NGLY1: variants seen among roughly 807,000 people sequenced by gnomAD.
NGLY1 encodes the protein peptide-N(4)-(N-acetyl-beta-glucosaminyl)asparagine amidase.
A neutral mutation model predicts 84.6 loss-of-function variants in NGLY1; 68 were observed. That is an observed-to-expected ratio of 0.80 (90% CI 0.66 to 0.98). The LOEUF (loss-of-function observed/expected upper bound fraction) is 0.98, where lower values mean the gene tolerates loss of function less well. NGLY1 is among the 50% of genes least tolerant of loss of function. NGLY1 has a pLI of 0.00. For synonymous variants in NGLY1, 280 were observed against 275.2 expected, an observed-to-expected ratio of 1.02 and a Z score of -0.17; for missense variants, 779 against 770.2, an observed-to-expected ratio of 1.01 and a Z score of -0.14.
Position 25,739,769 on chromosome 3 carries a change from A to C in NGLY1, c.689T>G (p.Leu230Trp). 1 of 1,614,060 alleles carries C rather than the reference A, an allele frequency of 6.2e-7. No homozygotes were observed. Among genetic ancestry groups the C allele is most frequent in the Non-Finnish European group, 8.5e-7 (1 of 1,179,990 alleles). ...CTTAAACCAGTGCAAAAGCTCCAGCAAAAGAAAATCCTCATCACTTATATT... is the reference window on the plus strand; with the variant it reads ...CTTAAACCAGTGCAAAAGCTCCAGCCAAAGAAAATCCTCATCACTTATATT... The part of the protein sequence containing the change: ...GINISDEDFL[L>W]LELLHWFKEE... The change falls in exon 5 of 12, where the codon TTG (leucine) becomes TGG (tryptophan). Residue 230 changes from leucine to tryptophan, a missense_variant. Physicochemically the swap from Leu to Trp is moderately conservative, Grantham distance 61. Transcript: ENST00000280700.
chr3:25,746,570 G>T (rs1421322574), intron 4 of NGLY1, among the ~76,000 whole-genome samples: 1 of 152,174 alleles, frequency 6.6e-6, no homozygotes, highest in Non-Finnish European at 1.5e-5. Context: ...TATGGGAAAT[G>T]GACTTTAAGT....
At chr3:25,762,413 A>G (rs1035165194) in intron 3 of NGLY1, among the ~76,000 whole-genome samples, 4 of 152,346 alleles carry the variant, frequency 2.6e-5, no homozygotes, top group Admixed American at 6.5e-5. Flanking sequence ...TATGAAAAAC[A>G]AGATTCATTC....
chr3:25,737,737 G>A (rs1705910946), intron 5 of NGLY1, among the ~76,000 whole-genome samples: 1 of 151,830 alleles, frequency 6.6e-6, no homozygotes, highest in Non-Finnish European at 1.5e-5. Flanking sequence ...GTAGAGACGG[G>A]GTTTCACCAT....
At chr3:25,773,297 C>T (rs1265771127) in intron 2 of NGLY1, among the ~76,000 whole-genome samples, 1 of 152,020 alleles carries the variant, frequency 6.6e-6, no homozygotes, top group African/African-American at 2.4e-5. Flanking sequence ...AACATAATCC[C>T]AAACTTCCTT....
chr3:25,772,633 T>C (rs907460473), intron 2 of NGLY1, among the ~76,000 whole-genome samples: 4 of 152,250 alleles, frequency 2.6e-5, no homozygotes, highest in African/African-American at 9.6e-5. Context: ...ACATTCAATG[T>C]TAGTACTGAG....
intron 3 of NGLY1, among the ~76,000 whole-genome samples, chr3:25,754,407 C>G (rs1006900746): frequency 1.3e-5 from 2 of 152,100 alleles, no homozygotes; most frequent in African/African-American, 4.8e-5. Flanking sequence ...TTTGAAGGAT[C>G]AGAGAGATCA....
chr3:25,754,528 A>C (rs1706930710), intron 3 of NGLY1, among the ~76,000 whole-genome samples: 1 of 152,124 alleles, frequency 6.6e-6, no homozygotes, highest in African/African-American at 2.4e-5. Context: ...AGAAGAGTAA[A>C]ACGATCTGAT....
chr3:25,766,514 G>A (rs1445759810), intron 2 of NGLY1, among the ~76,000 whole-genome samples: 1 of 152,218 alleles, frequency 6.6e-6, no homozygotes, highest in East Asian at 1.9e-4. Flanking sequence ...TGAAACCCAT[G>A]AGCTTGCACA....
intron 3 of NGLY1, among the ~76,000 whole-genome samples, chr3:25,757,739 G>A (rs560663210): frequency 6.6e-6 from 1 of 152,312 alleles, no homozygotes; most frequent in East Asian, 1.9e-4. Context: ...GTACAAGAAG[G>A]TCCACGAGGA....
chr3:25,749,719 C>T (rs1575633195), intron 4 of NGLY1: 5 of 1,582,080 alleles, frequency 3.2e-6, no homozygotes, highest in Non-Finnish European at 3.4e-6. Flanking sequence ...TCCAGAAGTT[C>T]CTGGTCCACA....
At chr3:25,732,293 T>C (rs1434081143) in intron 9 of NGLY1, 26 bp downstream of exon 9, 1 of 1,607,688 alleles carries the variant, frequency 6.2e-7, no homozygotes, top group African/African-American at 1.3e-5. Context: ...AGTAAAAGGA[T>C]CATCATGCTA....
chr3:25,734,756 A>C (rs1705730167), intron 7 of NGLY1: 1 of 907,566 alleles, frequency 1.1e-6, no homozygotes, highest in South Asian at 5.1e-5. Flanking sequence ...CTATAAAATA[A>C]ACGGAAGAGA....
chr3:25,778,646 GT>G lies in NGLY1; in HGVS notation c.173del (p.Asn58ThrfsTer47). ...DEKYRSIRIG[N>X]TAFSTRLLPV... ...GCAAGAGTCTAGTAGAAAAGGCTGT[GT>G]TTCCAATCCGGATGGATCTATATTT... On this transcript the variant is annotated frameshift_variant, in exon 2 of 12. Coordinates refer to ENST00000280700, the MANE Select transcript of NGLY1 (RefSeq NM_018297.4). LOFTEE classifies it high-confidence loss of function. 1 of 1,612,638 alleles carries G rather than the reference GT, an allele frequency of 6.2e-7. No individual in the cohort carries two copies. The highest frequency in any genetic ancestry group is 8.5e-7 in the Non-Finnish European group (1 of 1,179,296).
intron 4 of NGLY1, 41 bp from the exon 5 acceptor site, chr3:25,739,840 C>A: frequency 6.9e-7 from 1 of 1,451,874 alleles, no homozygotes; most frequent in South Asian, 1.2e-5. Context: ...CTAAAACTGA[C>A]AAAATTTAAA....
chr3:25,767,334 C>T (rs1030627261), intron 2 of NGLY1, among the ~76,000 whole-genome samples: 2 of 150,794 alleles, frequency 1.3e-5, no homozygotes, highest in Admixed American at 1.3e-4. Context: ...TAGTATTTAA[C>T]AAATTTGTTT....
At chr3:25,740,545 GATA>G (rs1706085721) in intron 4 of NGLY1, among the ~76,000 whole-genome samples, 1 of 151,954 alleles carries the variant, frequency 6.6e-6, no homozygotes, top group Non-Finnish European at 1.5e-5. Flanking sequence ...AAAACAGAGT[GATA>G]ATAAAACATA....
rs753137266 is a variant in NGLY1, at chr3:25,732,344, A to G, written c.1400T>C (p.Val467Ala). The change falls in exon 9 of 12, where the codon GTA becomes GCA. Residue 467 changes from valine to alanine, a missense_variant. By Grantham distance (64) the Val-to-Ala change is moderately conservative (BLOSUM62 0). Coordinates refer to ENST00000280700, the MANE Select transcript of NGLY1 (RefSeq NM_018297.4). ...CTGTAGACCCATTTCACCTCGGGCT[A>G]CTCTCCAAGCCACTGACCCAGATAT... ...GRISGSVAWR[V>A]ARGEMGLQRK... 29 of 1,613,246 alleles carry G rather than the reference A, an allele frequency of 1.8e-5. No individual in the cohort carries two copies. The highest frequency in any genetic ancestry group is 2.4e-5 in the Non-Finnish European group (28 of 1,179,596).
At chr3:25,753,392 G>T (rs1706858921) in intron 3 of NGLY1, among the ~76,000 whole-genome samples, 1 of 144,790 alleles carries the variant, frequency 6.9e-6, no homozygotes, top group Non-Finnish European at 1.5e-5. Flanking sequence ...CTATCTAAAA[G>T]AATTATTAGG....
chr3:25,720,179 G>A lies in NGLY1; in HGVS notation c.1624C>T (p.Arg542Ter), dbSNP rs528583612. The A allele has an allele frequency of 8.1e-6, 13 of 1,612,928 alleles. No individual in the cohort carries two copies. The highest frequency in any genetic ancestry group is 4.5e-5 in the East Asian group (2 of 44,832). The change falls in exon 11 of 12, where the codon CGA becomes TGA. Residue 542 changes from arginine (R) to a stop codon, truncating the protein, a stop_gained. Transcript: ENST00000280700. LOFTEE classifies it high-confidence loss of function. ...TAAGCAAAAGATGATCCTTCCTTTC[G>A]GGCCAAATATACCTATAAGGAGTAG... is the stretch of plus-strand genomic sequence containing the variant. Reference protein sequence around the residue: ...ETDWHMVYLARKEGSSFAYIS... With the variant: ...ETDWHMVYLA
Sources: allele counts gnomAD v4.1 joint callset (sites outside exome capture counted in the v4.1 genomes callset), GRCh38; gene constraint gnomAD v4.1.1; transcripts MANE v1.5; gene names NCBI Gene and HGNC (gene_info 2026-07-23, HGNC 2026-07-21).